Variants in SIM2 observed in about 807,000 individuals in gnomAD.
SIM2 encodes single-minded homolog 2.
A neutral mutation model predicts 64.8 loss-of-function variants in SIM2; 28 were observed. The ratio of observed to expected loss-of-function variants is 0.43; its 90% CI spans 0.32 to 0.59. SIM2 has a LOEUF of 0.59. SIM2 is among the 20% of genes least tolerant of loss of function. The pLI, the probability that SIM2 is intolerant of heterozygous loss-of-function variation, is 0.07. For missense variants in SIM2, 847 were observed against 871.4 expected (o/e 0.97, Z 0.35); for synonymous variants, 408 against 391.1 (o/e 1.04, Z -0.51).
chr21:36,739,827 G>T (rs1480122452), intron 7 of SIM2, among the ~76,000 whole-genome samples: 1 of 152,148 alleles, frequency 6.6e-6, no homozygotes, highest in African/African-American at 2.4e-5. Flanking sequence ...ACCACTTGAG[G>T]TCAGGAGTTT....
At position 36,726,556 on chromosome 21, in the gene SIM2, T is replaced by TAA. The variant is rs2088894362; in HGVS notation, c.743+239_743+240insAA. Among the ~76,000 whole-genome samples, 1 of 152,266 alleles carries TAA rather than the reference T, an allele frequency of 6.6e-6. No individual in the cohort carries two copies. Among genetic ancestry groups the TAA allele is most frequent in the South Asian group, 2.1e-4 (1 of 4,834 alleles). On this transcript the variant is annotated intron_variant, in intron 6 of 10. Transcript: ENST00000290399. This position sits in a 1 kb window ranked among gnomAD's most constrained non-coding sequence, Gnocchi z 4.5. ...TTATTTTATTTACTTATTGATTACT[T>TAA]ATTTTATTTACTTATTGATTACTTG... is the stretch of plus-strand genomic sequence containing the variant.
intron 9 of SIM2, 41 bp downstream of exon 9, chr21:36,743,596 T>C: frequency 5.7e-6 from 9 of 1,585,796 alleles, no homozygotes; most frequent in Non-Finnish European, 7.7e-6. Flanking sequence ...CTGACATCTA[T>C]CCTAGGGGTT....
At chr21:36,744,609 C>T (rs2089205181) in intron 9 of SIM2, 119 bp from the exon 10 acceptor site, 10 of 1,264,212 alleles carry the variant, frequency 7.9e-6, no homozygotes, top group South Asian at 7.8e-5. Context: ...GCAGTGGTGG[C>T]GAGGGTAGGG....
At chr21:36,709,327 T>C (rs1183649940) in intron 2 of SIM2, 77 bp downstream of exon 2, 1 of 1,241,442 alleles carries the variant, frequency 8.1e-7, no homozygotes, top group East Asian at 2.5e-5. Context: ...CCTCCAGGCG[T>C]CCCTTCCCCA....
Position 36,747,230 on chromosome 21 carries a change from G to A in SIM2, c.1577-435G>A, listed in dbSNP as rs145177863. Among the ~76,000 whole-genome samples the A allele has an allele frequency of 1.7e-3, 257 of 152,138 alleles. No individual in the cohort carries two copies. The highest frequency in any genetic ancestry group is 5.9e-3 in the African/African-American group (243 of 41,508). On this transcript the variant is annotated intron_variant, in intron 10 of 10. Coordinates refer to ENST00000290399, the MANE Select transcript of SIM2 (RefSeq NM_005069.6). The surrounding 1 kb of genome is among the most constrained non-coding windows in gnomAD (Gnocchi z 4.5). ...CCCTCCAACACCAGGGCCCCTGGTG[G>A]CCTCTAGACCTCTGCCGTCCAATCA...
In SIM2 at chr21:36,700,951, G is replaced by A. The variant is rs926218548; in HGVS notation, c.175+1030G>A. On this transcript the variant is annotated intron_variant, in intron 1 of 10. Transcript: ENST00000290399. ...GTGGGCTGCCCCGCCGCCCACGCCG[G>A]TTGCCGCTGGTGACAGTGGCTGCCC... 1.7e-4 allele frequency among the ~76,000 whole-genome samples: 26 copies of A among 152,254 alleles called. 1 individual carries two copies. The highest frequency in any genetic ancestry group is 5.3e-4 in the African/African-American group (22 of 41,464).
intron 1 of SIM2, among the ~76,000 whole-genome samples, chr21:36,706,879 G>A (rs996097335): frequency 6.6e-6 from 1 of 152,232 alleles, no homozygotes; most frequent in African/African-American, 2.4e-5. Flanking sequence ...TGATCTAAAA[G>A]AGAACAAGTT....
At chr21:36,732,834 G>A (rs764301602) in intron 7 of SIM2, among the ~76,000 whole-genome samples, 2 of 152,244 alleles carry the variant, frequency 1.3e-5, no homozygotes, top group Non-Finnish European at 2.9e-5. Flanking sequence ...TCTAGAATCA[G>A]ATATCCAGGA....
chr21:36,710,214 C>A (rs2088655162), intron 2 of SIM2: 1 of 152,350 alleles, frequency 6.6e-6, no homozygotes, highest in Non-Finnish European at 1.5e-5. Flanking sequence ...GCGGAGTTAG[C>A]CCACTGGCCT....
At chr21:36,729,965 C>G (rs2088943482) in intron 6 of SIM2, among the ~76,000 whole-genome samples, 2 of 152,142 alleles carry the variant, frequency 1.3e-5, no homozygotes, top group Non-Finnish European at 2.9e-5. Flanking sequence ...GTCACATAAG[C>G]CCCAGGAAAA....
chr21:36,736,897 T>G (rs74988630), intron 7 of SIM2, among the ~76,000 whole-genome samples: 4,411 of 151,794 alleles, frequency 0.029, 211 homozygotes, highest in African/African-American at 0.1. Flanking sequence ...TTCTTTTTCT[T>G]TCTTTTTCTT....
At chr21:36,731,755 C>T (rs8134109) in intron 7 of SIM2, among the ~76,000 whole-genome samples, 4,715 of 152,128 alleles carry the variant, frequency 0.031, 232 homozygotes, top group African/African-American at 0.11. Context: ...CATCTTGGGA[C>T]GGGGTGAACA....
chr21:36,738,942 G>A (rs187995796), intron 7 of SIM2, among the ~76,000 whole-genome samples: 200 of 152,332 alleles, frequency 1.3e-3, no homozygotes, highest in Admixed American at 6.7e-3. Context: ...TGGCATGCTC[G>A]TTACGCAACA....
chr21:36,719,703 T>C, intron 3 of SIM2, 118 bp from the exon 4 acceptor site: 2 of 683,842 alleles, frequency 2.9e-6, no homozygotes, highest in Non-Finnish European at 5.4e-6. Context: ...GTGTGGGTTG[T>C]CAGCAGAGAT....
chr21:36,741,540 C>T (rs892571752), intron 7 of SIM2, among the ~76,000 whole-genome samples, 177 bp from the exon 8 acceptor site: 93 of 152,126 alleles, frequency 6.1e-4, no homozygotes, highest in African/African-American at 2.1e-3. Flanking sequence ...TATATGCACG[C>T]GTGTGTGTGT....
chr21:36,733,230 CTT>C (rs962553308), intron 7 of SIM2, among the ~76,000 whole-genome samples: 2 of 150,804 alleles, frequency 1.3e-5, no homozygotes, highest in Non-Finnish European at 3.0e-5. Context: ...TCAAAAATCT[CTT>C]TTTTTTTAAT....
At chr21:36,720,184 T>C in intron 4 of SIM2, 3 of 467,974 alleles carry the variant, frequency 6.4e-6, no homozygotes, top group East Asian at 3.3e-5. Flanking sequence ...AGGACAAAAG[T>C]GGTGCAAGCC....
chr21:36,709,121 C>T (rs558167303), intron 1 of SIM2, 47 bp from the exon 2 acceptor site: 3 of 1,531,848 alleles, frequency 2.0e-6, no homozygotes, highest in East Asian at 2.3e-5. Context: ...TCCCAGGCAT[C>T]GGGCTGGGCG....
At chr21:36,725,144 G>T (rs1377297923) in intron 5 of SIM2, among the ~76,000 whole-genome samples, 2 of 152,098 alleles carry the variant, frequency 1.3e-5, no homozygotes, top group South Asian at 4.2e-4. Context: ...CCAGGGGTTC[G>T]AGACCAGTCT....
Sources: gnomAD v4.1 joint callset for allele counts (sites outside exome capture counted in the v4.1 genomes callset) on GRCh38, gnomAD v4.1.1 for gene constraint, Gnocchi (gnomAD v3.1) non-coding constraint, MANE v1.5 for transcripts, NCBI Gene and HGNC (gene_info 2026-07-23, HGNC 2026-07-21) for gene names.